Variants in GSDMC observed in about 807,000 individuals in gnomAD.
The protein encoded by GSDMC is gasdermin C.
Under a neutral mutation model 58.0 loss-of-function variants are expected in GSDMC, and 59 were observed. That is an observed-to-expected ratio of 1.02 (90% confidence interval 0.82 to 1.26). The LOEUF (loss-of-function observed/expected upper bound fraction) is 1.26. GSDMC is among the 50% of genes most tolerant of loss of function. GSDMC has a pLI of 0.00. For synonymous variants in GSDMC, 241 were observed against 220.2 expected (o/e 1.09, Z -0.83); for missense variants, 659 against 598.5 (o/e 1.10, Z -1.06).
the GSDMC span, among the ~76,000 whole-genome samples, chr8:129,742,359 A>G: frequency 2.0e-5 from 3 of 152,168 alleles, no homozygotes; most frequent in African/African-American, 7.2e-5. Context: ...CATATATCAA[A>G]ATATCACATT....
the GSDMC span, chr8:129,729,132 T>C: frequency 1.5e-6 from 1 of 656,034 alleles, no homozygotes; most frequent in Non-Finnish European, 2.9e-6. Context: ...ACTGCAGGAG[T>C]TGGAAGACAG....
At chr8:129,709,367 A>T in the GSDMC span, among the ~76,000 whole-genome samples, 1 of 152,224 alleles carries the variant, frequency 6.6e-6, no homozygotes, top group Non-Finnish European at 1.5e-5. Flanking sequence ...CACACAGTAG[A>T]TTGAATTACG....
At chr8:129,780,056 A>T (rs887272317) in intron 1 of GSDMC, among the ~76,000 whole-genome samples, 2 of 152,226 alleles carry the variant, frequency 1.3e-5, no homozygotes, top group African/African-American at 4.8e-5. Flanking sequence ...TCTTGAAAGC[A>T]GGCTATTTGA....
chr8:129,754,180 G>T (rs2033337941), intron 6 of GSDMC, among the ~76,000 whole-genome samples: 1 of 152,188 alleles, frequency 6.6e-6, no homozygotes, highest in Non-Finnish European at 1.5e-5. Context: ...AGTGGTTACA[G>T]CAGGCCTTGG....
the GSDMC span, among the ~76,000 whole-genome samples, chr8:129,735,761 C>G: frequency 0.6 from 91,770 of 151,868 alleles, 30,524 homozygotes; most frequent in African/African-American, 0.88. Context: ...AGAAGCAAGG[C>G]CAAACAAATT....
the GSDMC span, among the ~76,000 whole-genome samples, chr8:129,728,307 G>T: frequency 6.6e-6 from 1 of 152,274 alleles, no homozygotes; most frequent in East Asian, 1.9e-4. Flanking sequence ...CACTGTTTCT[G>T]TGCAGTGACC....
rs1192787976 is a variant in GSDMC, at chr8:129,766,706, T to C, written c.405-913A>G. 2.0e-5 allele frequency among the ~76,000 whole-genome samples: 3 copies of C among 151,560 alleles called. No homozygotes were observed. The East Asian group carries it at 5.8e-4, about 29-fold the overall frequency. On this transcript the variant is annotated intron_variant, in intron 3 of 13. Transcript: ENST00000276708. ...TCACCCTTCATTAGAAGGGTAAGAGTAAGAGTTTTACTTTGGCAGCATCAC... is the reference window on the plus strand; with the variant it reads ...TCACCCTTCATTAGAAGGGTAAGAGCAAGAGTTTTACTTTGGCAGCATCAC...
chr8:129,764,047 C>A (rs2033770668), intron 4 of GSDMC, among the ~76,000 whole-genome samples: 1 of 152,166 alleles, frequency 6.6e-6, no homozygotes, highest in Admixed American at 6.5e-5. Flanking sequence ...AAGCATTATT[C>A]TTCCATGAAA....
chr8:129,748,723 C>T lies in GSDMC; in HGVS notation c.1305G>A (p.Glu435=). ...TGCTCCAGGGGTATCTGAAGTTTGG[C>T]TCCAGGATGCTCCTTACCTAGAAGA... ...QQQELVRSIL[E]PNFRYPWSIP... The change falls in exon 14 of 14, where the codon GAG becomes GAA. Residue 435 remains glutamate, a synonymous_variant. Coordinates refer to ENST00000276708, the MANE Select transcript of GSDMC (RefSeq NM_031415.3). 1 of 1,529,624 alleles carries T rather than the reference C, an allele frequency of 6.5e-7. No homozygotes were observed. Among genetic ancestry groups the T allele is most frequent in the South Asian group, 1.3e-5 (1 of 76,934 alleles). 94.8% of individuals were successfully genotyped at this position (1,529,624 alleles called of 1,614,324 possible).
chr8:129,746,588 C>T (rs1424913972), downstream of GSDMC, among the ~76,000 whole-genome samples: 2 of 152,114 alleles, frequency 1.3e-5, no homozygotes, highest in Non-Finnish European at 2.9e-5. Flanking sequence ...GGAAAAGTGA[C>T]ATAGAGTGAC....
intron 8 of GSDMC, 55 bp downstream of exon 8, chr8:129,752,051 G>A: frequency 6.5e-7 from 1 of 1,532,602 alleles, no homozygotes; most frequent in South Asian, 1.1e-5. Context: ...AAGGCAATCA[G>A]GTGGTTTTTT....
the GSDMC span, among the ~76,000 whole-genome samples, chr8:129,714,625 T>C: frequency 2.0e-4 from 31 of 152,318 alleles, no homozygotes; most frequent in South Asian, 6.2e-3. Context: ...AAATAAGAAG[T>C]CGATTTAAAT....
the GSDMC span, among the ~76,000 whole-genome samples, chr8:129,740,446 T>C: frequency 3.3e-5 from 5 of 152,296 alleles, no homozygotes; most frequent in Admixed American, 6.5e-5. Context: ...TTTTTAATTT[T>C]TATACTTTAT....
In GSDMC at chr8:129,776,199, C is replaced by T. The variant is rs762673763; in HGVS notation, c.307G>A (p.Val103Met). Residue 103 changes from valine to methionine, a missense_variant, in exon 3 of 14, where the codon GTG (valine) becomes ATG (methionine). Physicochemically the swap from Val to Met is conservative, Grantham distance 21. Transcript: ENST00000276708. ...ACAGAGGCCTCCCCTGACACACTCACTTCTATACCAACATTCACACCCATG... is the reference window on the plus strand; with the variant it reads ...ACAGAGGCCTCCCCTGACACACTCATTTCTATACCAACATTCACACCCATG... ...ADMGVNVGIEVSVSGEASVDH... is the reference protein window; with the variant it reads ...ADMGVNVGIEMSVSGEASVDH... 2.7e-5 allele frequency: 43 copies of T among 1,613,750 alleles called. No individual in the cohort carries two copies. In the Admixed American group the frequency reaches 7.0e-4, roughly 26 times the overall value.
At chr8:129,712,900 C>T in the GSDMC span, among the ~76,000 whole-genome samples, 1 of 152,276 alleles carries the variant, frequency 6.6e-6, no homozygotes, top group Non-Finnish European at 1.5e-5. Flanking sequence ...TTCCAGCTGG[C>T]AGTGAAGAGC....
chr8:129,739,248 G>A, the GSDMC span, among the ~76,000 whole-genome samples: 26 of 152,162 alleles, frequency 1.7e-4, no homozygotes, highest in Non-Finnish European at 3.1e-4. Flanking sequence ...AGTATGCCAT[G>A]TGGCTGGAGG....
chr8:129,758,285 C>A (rs774052300), intron 6 of GSDMC, among the ~76,000 whole-genome samples: 3 of 152,136 alleles, frequency 2.0e-5, no homozygotes, highest in Admixed American at 6.5e-5. Context: ...AAATTGAAAG[C>A]CTTTCATCTT....
intron 3 of GSDMC, among the ~76,000 whole-genome samples, chr8:129,767,881 C>T (rs1216593408): frequency 6.6e-6 from 1 of 152,140 alleles, no homozygotes; most frequent in African/African-American, 2.4e-5. Context: ...AAGCCCTGCC[C>T]AATTATATAC....
intron 1 of GSDMC, among the ~76,000 whole-genome samples, chr8:129,781,917 A>G (rs116575559): frequency 0.014 from 2,169 of 152,262 alleles, 59 homozygotes; most frequent in African/African-American, 0.049. Flanking sequence ...CAGAATACAC[A>G]TTTTTCTCCT....
Sources: gnomAD v4.1 joint callset for allele counts (sites outside exome capture counted in the v4.1 genomes callset) on GRCh38, gnomAD v4.1.1 for gene constraint, MANE v1.5 for transcripts, NCBI Gene and HGNC (gene_info 2026-07-23, HGNC 2026-07-21) for gene names.